BBS9: variants seen among roughly 807,000 people sequenced by gnomAD.
BBS9 encodes the protein protein PTHB1.
In BBS9, 89 loss-of-function variants were observed where a neutral mutation model predicts 117.7. The observed-to-expected ratio is 0.76, with a 90% CI of 0.64 to 0.90. The LOEUF is 0.90. Ranked by LOEUF, BBS9 falls within the 40% of genes least tolerant of loss-of-function variation. The pLI is 0.00. For synonymous variants in BBS9, 379 were observed against 370.9 expected (o/e 1.02, Z -0.25); for missense variants, 982 against 1,042.2 (o/e 0.94, Z 0.80).
At chr7:33,616,357 T>C (rs924454604) in intron 21 of BBS9, among the ~76,000 whole-genome samples, 3 of 150,834 alleles carry the variant, frequency 2.0e-5, no homozygotes, top group South Asian at 2.1e-4. Context: ...GTATTCGCAC[T>C]ACTTATGAAA....
At chr7:33,562,233 A>G (rs896542353) in intron 21 of BBS9, among the ~76,000 whole-genome samples, 36 of 152,362 alleles carry the variant, frequency 2.4e-4, no homozygotes, top group African/African-American at 7.7e-4. Context: ...ATTGAAATGT[A>G]TGGCTGGTGG....
intron 2 of BBS9, 45 bp downstream of exon 2, chr7:33,146,409 G>A: frequency 6.7e-7 from 1 of 1,482,822 alleles, no homozygotes; most frequent in Non-Finnish European, 9.4e-7. Flanking sequence ...GTTTTAAAGA[G>A]ATCAAATAAG....
intron 21 of BBS9, among the ~76,000 whole-genome samples, chr7:33,544,544 A>G (rs1852963229): frequency 6.6e-6 from 1 of 152,048 alleles, no homozygotes; most frequent in South Asian, 2.1e-4. Context: ...TGTAATGTGA[A>G]CCGTCTGTGG....
At chr7:33,246,569 T>C (rs1007117460) in intron 5 of BBS9, among the ~76,000 whole-genome samples, 1 of 152,210 alleles carries the variant, frequency 6.6e-6, no homozygotes, top group African/African-American at 2.4e-5. Context: ...TGATTGGCTA[T>C]TACCTTGAGT....
In BBS9 at chr7:33,329,246, C is replaced by T. The variant is rs188064988; in HGVS notation, c.1017-7195C>T. Among the ~76,000 whole-genome samples, 621 of 152,218 alleles carry T rather than the reference C, an allele frequency of 4.1e-3. 4 individuals are homozygous for T. The highest frequency in any genetic ancestry group is 0.017 in the Middle Eastern group (5 of 294). On this transcript the variant is annotated intron_variant, in intron 9 of 22. Transcript: ENST00000242067. Reference sequence around the variant, plus strand: ...ATGTTGGGCAGACTGGTCTCGAACTCCTGGCCTCAGGTGATCCACCCACCT... The same window carrying T: ...ATGTTGGGCAGACTGGTCTCGAACTTCTGGCCTCAGGTGATCCACCCACCT...
intron 19 of BBS9, among the ~76,000 whole-genome samples, chr7:33,423,226 G>A (rs917519744): frequency 9.2e-5 from 14 of 152,148 alleles, no homozygotes; most frequent in Non-Finnish European, 1.8e-4. Flanking sequence ...GCACAAGTGC[G>A]GACCCGATTC....
chr7:33,294,640 T>G (rs1804888600), intron 9 of BBS9, among the ~76,000 whole-genome samples: 1 of 152,238 alleles, frequency 6.6e-6, no homozygotes. Flanking sequence ...ATGTTCTTAC[T>G]AAATAAATCA....
At chr7:33,269,452 G>T (rs1341717247) in intron 7 of BBS9, among the ~76,000 whole-genome samples, 2 of 152,128 alleles carry the variant, frequency 1.3e-5, no homozygotes, top group Non-Finnish European at 2.9e-5. Context: ...TCTCTCTTGG[G>T]TGAAGCCCCA....
intron 4 of BBS9, among the ~76,000 whole-genome samples, chr7:33,176,380 A>G (rs1486874641): frequency 6.6e-6 from 1 of 152,234 alleles, no homozygotes; most frequent in South Asian, 2.1e-4. Context: ...GATACAATAC[A>G]TAGTACCTGG....
Position 33,544,542 on chromosome 7 carries a change from G to A in BBS9, c.2521+10366G>A, listed in dbSNP as rs566328225. ...TTGTCTGCACAAAGTCCTGTAATGT[G>A]AACCGTCTGTGGGTCTCTCAGCAGT... On this transcript the variant is annotated intron_variant, in intron 21 of 22. Transcript: ENST00000242067. Among the ~76,000 whole-genome samples the A allele has an allele frequency of 2.0e-5, 3 of 152,282 alleles. No homozygotes were observed. The South Asian group carries it at 6.2e-4, about 32-fold the overall frequency.
At chr7:33,243,019 C>A in intron 5 of BBS9, 1 of 517,172 alleles carries the variant, frequency 1.9e-6, no homozygotes, top group East Asian at 5.4e-5. Flanking sequence ...TAATTCTTGA[C>A]GTTCCCAAGT....
Position 33,505,756 on chromosome 7 carries a change from T to G in BBS9, c.2298+111T>G, listed in dbSNP as rs111299002. 992 of 1,188,022 alleles carry G rather than the reference T, an allele frequency of 8.4e-4. 8 individuals are homozygous for G. In the African/African-American group the frequency reaches 0.013, roughly 15 times the overall value. 73.6% of individuals were successfully genotyped at this position (1,188,022 alleles called of 1,614,324 possible). A position where few individuals can be genotyped will look rare whatever the true frequency, so the allele number is the denominator to read the frequency against. Reference sequence around the variant, plus strand: ...CTAAGGTATCAAATAAGGGTTTGATTTTTTACAAAAATGCTGCTTTCCTTG... The same window carrying G: ...CTAAGGTATCAAATAAGGGTTTGATGTTTTACAAAAATGCTGCTTTCCTTG... On this transcript the variant is annotated intron_variant, in intron 20 of 22. Transcript: ENST00000242067.
chr7:33,181,178 C>T (rs2128171544), intron 5 of BBS9, among the ~76,000 whole-genome samples: 1 of 152,242 alleles, frequency 6.6e-6, no homozygotes, highest in South Asian at 2.1e-4. Context: ...TTAGATCTCC[C>T]CCAGGGGAGC....
intron 4 of BBS9, among the ~76,000 whole-genome samples, chr7:33,162,538 G>C (rs956972986): frequency 3.9e-5 from 6 of 152,154 alleles, no homozygotes; most frequent in African/African-American, 4.8e-5. Flanking sequence ...CCTTGAAGAG[G>C]TCCTTCACAT....
At chr7:33,389,966 C>A (rs1221948775) in intron 19 of BBS9, among the ~76,000 whole-genome samples, 2 of 152,124 alleles carry the variant, frequency 1.3e-5, no homozygotes, top group African/African-American at 4.8e-5. Context: ...CAAATATAGA[C>A]TGCCAATTTC....
chr7:33,602,599 A>G (rs1213348243), intron 21 of BBS9, among the ~76,000 whole-genome samples: 3 of 152,144 alleles, frequency 2.0e-5, no homozygotes, highest in African/African-American at 7.2e-5. Flanking sequence ...ATGGTGGCGC[A>G]TGCCTGTAAT....
exon 22 of BBS9, among the ~76,000 whole-genome samples, chr7:33,635,545 A>G (rs937942483): frequency 2.6e-5 from 4 of 152,164 alleles, no homozygotes; most frequent in Non-Finnish European, 5.9e-5. Flanking sequence ...CCTTTCAACA[A>G]ACCCCGCCTT....
At chr7:33,215,703 A>C (rs1195528982) in intron 5 of BBS9, among the ~76,000 whole-genome samples, 1 of 152,156 alleles carries the variant, frequency 6.6e-6, no homozygotes, top group South Asian at 2.1e-4. Flanking sequence ...ATTTGCAGCT[A>C]TTTGAATGGA....
intron 19 of BBS9, among the ~76,000 whole-genome samples, chr7:33,502,261 A>G (rs1177172317): frequency 6.6e-6 from 1 of 152,150 alleles, no homozygotes; most frequent in Admixed American, 6.5e-5. Flanking sequence ...TTGGTGTGCT[A>G]GTAAATAGCT....
Sources: gnomAD v4.1 joint callset for allele counts (sites outside exome capture counted in the v4.1 genomes callset) on GRCh38, gnomAD v4.1.1 for gene constraint, MANE v1.5 for transcripts, NCBI Gene and HGNC (gene_info 2026-07-23, HGNC 2026-07-21) for gene names.